GRM3: variants seen among roughly 807,000 people sequenced by gnomAD.
GRM3 encodes the protein metabotropic glutamate receptor 3.
GRM3 carries 26 observed loss-of-function variants against 70.5 expected under a neutral mutation model. The observed-to-expected ratio is 0.37, with a 90% CI of 0.27 to 0.51. The LOEUF (loss-of-function observed/expected upper bound fraction) is 0.51, where lower values mean the gene tolerates loss of function less well. GRM3 is among the 20% of genes least tolerant of loss of function. GRM3 has a pLI of 0.93. For missense variants in GRM3, 859 were observed against 1,123.8 expected, an observed-to-expected ratio of 0.76 and a Z score of 3.37; for synonymous variants, 443 against 434.9, an observed-to-expected ratio of 1.02 and a Z score of -0.23.
intron 2 of GRM3, chr7:86,775,221 C>T (rs1017535293): frequency 6.6e-6 from 1 of 152,074 alleles, no homozygotes; most frequent in Non-Finnish European, 1.5e-5. Flanking sequence ...CTTTCTCCAA[C>T]AACCATTATT....
At position 86,680,247 on chromosome 7, in the gene GRM3, G is replaced by T. The variant is rs539226785; in HGVS notation, c.-141+35375G>T. ...TATTTTGAAAGAAAATATTTAAGAG[G>T]ACTACTAAAATTGGAATAACATATT... is the stretch of plus-strand genomic sequence containing the variant. On this transcript the variant is annotated intron_variant, in intron 1 of 5. Transcript: ENST00000361669. 7.2e-5 allele frequency among the ~76,000 whole-genome samples: 11 copies of T among 152,184 alleles called. No individual in the cohort carries two copies. In the South Asian group the frequency reaches 2.3e-3, roughly 32 times the overall value.
intron 1 of GRM3, among the ~76,000 whole-genome samples, chr7:86,668,484 C>T (rs866391479): frequency 1.3e-4 from 20 of 152,044 alleles, no homozygotes; most frequent in African/African-American, 4.8e-4. Context: ...ACCCTTTGAT[C>T]GTGTTGTTTG....
At chr7:86,800,282 C>T (rs981225263) in intron 3 of GRM3, among the ~76,000 whole-genome samples, 4 of 151,982 alleles carry the variant, frequency 2.6e-5, no homozygotes, top group Non-Finnish European at 5.9e-5. Flanking sequence ...CAAGAAATAA[C>T]CAAGATCGGA....
intron 1 of GRM3, among the ~76,000 whole-genome samples, chr7:86,731,001 C>G (rs1795722720): frequency 6.6e-6 from 1 of 151,972 alleles, no homozygotes; most frequent in Admixed American, 6.6e-5. Context: ...TCTGTATGTC[C>G]CCCTCAAATC....
At chr7:86,794,861 AT>A (rs1055030028) in intron 3 of GRM3, among the ~76,000 whole-genome samples, 1 of 150,188 alleles carries the variant, frequency 6.7e-6, no homozygotes, top group African/African-American at 2.5e-5. Context: ...ATATTCAAAG[AT>A]TTCATTCTCT....
chr7:86,646,016 T>TGGGG (rs1562811332), intron 1 of GRM3, among the ~76,000 whole-genome samples: 2 of 9,896 alleles, frequency 2.0e-4, no homozygotes, highest in African/African-American at 4.2e-4. Context: ...TGGGGGGGGG[T>TGGGG]GGGAGGGAGT....
At chr7:86,816,727 C>T (rs1429801840) in intron 3 of GRM3, among the ~76,000 whole-genome samples, 1 of 151,872 alleles carries the variant, frequency 6.6e-6, no homozygotes, top group Non-Finnish European at 1.5e-5. Flanking sequence ...CATGTCTTTG[C>T]TGTTGTGAAT....
chr7:86,650,633 G>A (rs1415992874), intron 1 of GRM3, among the ~76,000 whole-genome samples: 2 of 152,160 alleles, frequency 1.3e-5, no homozygotes, highest in African/African-American at 4.8e-5. Context: ...AAAAGTCTAT[G>A]AAGATTATAA....
At chr7:86,722,126 A>G (rs1489072085) in intron 1 of GRM3, among the ~76,000 whole-genome samples, 7 of 152,116 alleles carry the variant, frequency 4.6e-5, no homozygotes, top group African/African-American at 1.7e-4. Context: ...GCTTCTGAAA[A>G]GTACAGATTC....
intron 3 of GRM3, among the ~76,000 whole-genome samples, chr7:86,819,582 C>T (rs1213839423): frequency 6.6e-6 from 1 of 152,038 alleles, no homozygotes; most frequent in African/African-American, 2.4e-5. Flanking sequence ...GCCATGCTGC[C>T]CAGCAGGCCT....
chr7:86,765,003 T>C lies in GRM3; in HGVS notation c.-140-3T>C, dbSNP rs1796566171. 1.4e-6 allele frequency: 2 copies of C among 1,467,724 alleles called. No homozygotes were observed. The highest frequency in any genetic ancestry group is 1.5e-5 in the South Asian group (1 of 65,660). 90.9% of individuals were successfully genotyped at this position (1,467,724 alleles called of 1,614,324 possible). On this transcript the variant is annotated splice_region_variant and splice_polypyrimidine_tract_variant and intron_variant, in intron 1 of 5. Transcript: ENST00000361669. Reference sequence around the variant, plus strand: ...TTTGTTCATATAATTTTTATCTCTTTAGGAATTTTGTGACAGGCTCTGTTA... The same window carrying C: ...TTTGTTCATATAATTTTTATCTCTTCAGGAATTTTGTGACAGGCTCTGTTA...
chr7:86,651,431 T>C (rs1454855443), intron 1 of GRM3, among the ~76,000 whole-genome samples: 1 of 152,176 alleles, frequency 6.6e-6, no homozygotes, highest in East Asian at 1.9e-4. Flanking sequence ...GAATACAACA[T>C]AATGGAAGCT....
At chr7:86,816,618 A>G (rs1798021562) in intron 3 of GRM3, among the ~76,000 whole-genome samples, 1 of 152,070 alleles carries the variant, frequency 6.6e-6, no homozygotes, top group African/African-American at 2.4e-5. Flanking sequence ...TGCAAAGGAT[A>G]TGATCTCGTT....
At chr7:86,820,219 T>G (rs946494104) in intron 3 of GRM3, among the ~76,000 whole-genome samples, 4 of 152,262 alleles carry the variant, frequency 2.6e-5, no homozygotes, top group Non-Finnish European at 4.4e-5. Flanking sequence ...GACTGGATAT[T>G]CGAAAACCAA....
At chr7:86,833,334 C>T (rs555412431) in intron 3 of GRM3, among the ~76,000 whole-genome samples, 116 of 151,178 alleles carry the variant, frequency 7.7e-4, no homozygotes, top group Middle Eastern at 6.8e-3. Flanking sequence ...CAGCATGGCA[C>T]GTGTATACAT....
chr7:86,734,913 A>T (rs576974609), intron 1 of GRM3, among the ~76,000 whole-genome samples: 71 of 152,324 alleles, frequency 4.7e-4, no homozygotes, highest in African/African-American at 1.6e-3. Context: ...ACTTGATAGA[A>T]AATATGTAAA....
chr7:86,815,795 C>G (rs532139937), intron 3 of GRM3, among the ~76,000 whole-genome samples: 1 of 151,984 alleles, frequency 6.6e-6, no homozygotes, highest in South Asian at 2.1e-4. Flanking sequence ...TGTTTTATGT[C>G]TCTTTATTTA....
At chr7:86,716,102 T>C (rs1795308019) in intron 1 of GRM3, among the ~76,000 whole-genome samples, 1 of 151,938 alleles carries the variant, frequency 6.6e-6, no homozygotes, top group Non-Finnish European at 1.5e-5. Flanking sequence ...ATTTGACAGG[T>C]GGATGGTGGA....
At chr7:86,713,890 G>T (rs1191700823) in intron 1 of GRM3, among the ~76,000 whole-genome samples, 1 of 151,916 alleles carries the variant, frequency 6.6e-6, no homozygotes, top group East Asian at 1.9e-4. Flanking sequence ...CTACTACTGG[G>T]TTCGGAGCTC....
Sources: gnomAD v4.1 joint callset for allele counts (sites outside exome capture counted in the v4.1 genomes callset) on GRCh38, gnomAD v4.1.1 for gene constraint, MANE v1.5 for transcripts, NCBI Gene and HGNC (gene_info 2026-07-23, HGNC 2026-07-21) for gene names.